Variants in SPAG16 observed in about 807,000 individuals in gnomAD.
SPAG16 encodes sperm-associated antigen 16 protein.
SPAG16 carries 86 observed loss-of-function variants against 80.4 expected under a neutral mutation model. The observed-to-expected ratio is 1.07, with a 90% CI of 0.90 to 1.28. The LOEUF is 1.28. Among genes scored for constraint, SPAG16 ranks in the 50% most tolerant of loss-of-function variants. The pLI is 0.00. For synonymous variants in SPAG16, 294 were observed against 265.9 expected (o/e 1.11, Z -1.03); for missense variants, 870 against 765.3 (o/e 1.14, Z -1.61).
chr2:213,899,148 T>C lies in SPAG16; in HGVS notation c.1215-30812T>C, dbSNP rs147089368. Among the ~76,000 whole-genome samples, 1,395 of 152,166 alleles carry C rather than the reference T, an allele frequency of 9.2e-3. 23 individuals are homozygous for C. Among genetic ancestry groups the C allele is most frequent in the African/African-American group, 0.032 (1,330 of 41,520 alleles). On this transcript the variant is annotated intron_variant, in intron 11 of 15. Transcript: ENST00000331683. ...ATAGGCCAGTTGTGAGTTAGGATAG[T>C]GTGGATGTGAGCTGCTTAGAACTTG... is the stretch of plus-strand genomic sequence containing the variant.
At chr2:213,554,399 A>G (rs1386773792) in intron 10 of SPAG16, among the ~76,000 whole-genome samples, 3 of 152,242 alleles carry the variant, frequency 2.0e-5, no homozygotes, top group African/African-American at 7.2e-5. Context: ...AAACTAACTT[A>G]TAAAGTCTGC....
intron 14 of SPAG16, among the ~76,000 whole-genome samples, chr2:214,115,765 C>T (rs1230361028): frequency 6.6e-6 from 1 of 150,818 alleles, no homozygotes; most frequent in East Asian, 2.0e-4. Flanking sequence ...GTAGTCCCAG[C>T]TACTCAGGAG....
At chr2:213,951,218 G>C (rs2079760117) in intron 12 of SPAG16, among the ~76,000 whole-genome samples, 1 of 152,090 alleles carries the variant, frequency 6.6e-6, no homozygotes. Context: ...TAAGGAAATT[G>C]AGGAAAATTT....
intron 15 of SPAG16, among the ~76,000 whole-genome samples, chr2:214,177,539 A>T (rs181276710): frequency 6.6e-6 from 1 of 151,006 alleles, no homozygotes; most frequent in Non-Finnish European, 1.5e-5. Context: ...ACTTTTTCTA[A>T]TATCACTCCC....
At chr2:213,666,017 A>G (rs574315853) in intron 10 of SPAG16, among the ~76,000 whole-genome samples, 48 of 152,328 alleles carry the variant, frequency 3.2e-4, no homozygotes, top group Non-Finnish European at 5.4e-4. Flanking sequence ...GACCTTAGTT[A>G]GAAACATGTG....
At chr2:213,897,586 C>G (rs1229399731) in intron 11 of SPAG16, among the ~76,000 whole-genome samples, 1 of 143,862 alleles carries the variant, frequency 7.0e-6, no homozygotes, top group African/African-American at 2.5e-5. Flanking sequence ...ATCTTATTTT[C>G]TAGAGATTGT....
intron 15 of SPAG16, among the ~76,000 whole-genome samples, chr2:214,314,451 A>G (rs1373326100): frequency 6.6e-6 from 1 of 152,208 alleles, no homozygotes; most frequent in Non-Finnish European, 1.5e-5. Context: ...ATGAAGTCTC[A>G]TTCTGAATTT....
At chr2:214,278,045 C>T (rs1428011808) in intron 15 of SPAG16, among the ~76,000 whole-genome samples, 1 of 152,182 alleles carries the variant, frequency 6.6e-6, no homozygotes, top group Non-Finnish European at 1.5e-5. Flanking sequence ...CAGGCTGCTG[C>T]CTCGCAGGTC....
chr2:213,828,138 T>A (rs2073412521), intron 10 of SPAG16, among the ~76,000 whole-genome samples: 1 of 152,104 alleles, frequency 6.6e-6, no homozygotes, highest in East Asian at 1.9e-4. Context: ...ACCTCTTTTT[T>A]AAAGCCAGTG....
intron 15 of SPAG16, among the ~76,000 whole-genome samples, chr2:214,179,859 G>GT (rs1181182069): frequency 1.3e-5 from 2 of 151,398 alleles, no homozygotes; most frequent in African/African-American, 4.8e-5. Context: ...AAAATAAATG[G>GT]TTTTATGTGC....
intron 3 of SPAG16, among the ~76,000 whole-genome samples, chr2:213,308,968 A>C (rs112755637): frequency 2.2e-4 from 34 of 152,252 alleles, no homozygotes; most frequent in African/African-American, 7.9e-4. Context: ...CCAGTTATAA[A>C]CATGAAATTC....
intron 14 of SPAG16, among the ~76,000 whole-genome samples, chr2:214,142,248 G>A (rs988549888): frequency 2.6e-5 from 4 of 151,990 alleles, no homozygotes; most frequent in Non-Finnish European, 5.9e-5. Flanking sequence ...ATTTTAGATT[G>A]TGTTTGTTTC....
intron 10 of SPAG16, among the ~76,000 whole-genome samples, chr2:213,557,962 A>G (rs2059481395): frequency 6.6e-6 from 1 of 152,196 alleles, no homozygotes; most frequent in Non-Finnish European, 1.5e-5. Context: ...AATGTTCATT[A>G]TAGGCATTTT....
intron 10 of SPAG16, among the ~76,000 whole-genome samples, chr2:213,710,060 A>G (rs2065916595): frequency 6.6e-6 from 1 of 152,104 alleles, no homozygotes. Flanking sequence ...CGAGGCAGGC[A>G]GATAAGGATG....
intron 8 of SPAG16, among the ~76,000 whole-genome samples, chr2:213,369,162 G>A (rs988471496): frequency 2.0e-5 from 3 of 152,146 alleles, no homozygotes; most frequent in Non-Finnish European, 4.4e-5. Context: ...ATTTTAAGAT[G>A]CAGGCAAGCT....
At chr2:213,975,139 G>C (rs1183510139) in intron 12 of SPAG16, among the ~76,000 whole-genome samples, 1 of 150,930 alleles carries the variant, frequency 6.6e-6, no homozygotes, top group African/African-American at 2.4e-5. Flanking sequence ...TCATAGGTCT[G>C]TAATAGATGT....
At chr2:214,385,323 C>G (rs184366101) in intron 15 of SPAG16, among the ~76,000 whole-genome samples, 19 of 152,294 alleles carry the variant, frequency 1.2e-4, no homozygotes, top group Admixed American at 7.8e-4. Flanking sequence ...ATATATAAAG[C>G]ACCTAGATCA....
intron 13 of SPAG16, among the ~76,000 whole-genome samples, chr2:214,078,477 G>A (rs956352893): frequency 1.4e-5 from 2 of 147,870 alleles, no homozygotes; most frequent in Non-Finnish European, 3.0e-5. Context: ...GATTTCTTGA[G>A]CCTAGGAGGT....
At chr2:213,800,723 T>C (rs1052103226) in intron 10 of SPAG16, among the ~76,000 whole-genome samples, 1 of 152,212 alleles carries the variant, frequency 6.6e-6, no homozygotes, top group Non-Finnish European at 1.5e-5. Flanking sequence ...CCTACAGGTA[T>C]ACTACATCCA....
Sources: allele counts gnomAD v4.1 joint callset (sites outside exome capture counted in the v4.1 genomes callset), GRCh38; gene constraint gnomAD v4.1.1; transcripts MANE v1.5; gene names NCBI Gene and HGNC (gene_info 2026-07-23, HGNC 2026-07-21).